Variants in CPNE8 observed in about 807,000 individuals in gnomAD.
CPNE8 encodes the protein copine 8.
CPNE8 carries 45 observed loss-of-function variants against 81.5 expected under a neutral mutation model. That is an observed-to-expected ratio of 0.55 (90% CI 0.44 to 0.71). CPNE8 has a LOEUF of 0.71. Among genes scored for constraint, CPNE8 ranks in the 30% least tolerant of loss-of-function variants. CPNE8 has a pLI of 0.00. For missense variants in CPNE8, 594 were observed against 672.1 expected, an observed-to-expected ratio of 0.88 and a Z score of 1.28; for synonymous variants, 252 against 226.3, an observed-to-expected ratio of 1.11 and a Z score of -1.02.
Position 38,741,899 on chromosome 12 carries a change from T to A in CPNE8, c.723-11541A>T, listed in dbSNP as rs1193330173. Among the ~76,000 whole-genome samples, 3 of 152,204 alleles carry A rather than the reference T, an allele frequency of 2.0e-5. No individual in the cohort carries two copies. In the East Asian group the frequency reaches 5.8e-4, roughly 29 times the overall value. On this transcript the variant is annotated intron_variant, in intron 10 of 19. Coordinates refer to ENST00000331366, the MANE Select transcript of CPNE8 (RefSeq NM_153634.3). ...GACACTTCTCAAAAGGAAACATTTA[T>A]GCAGCCAACAGACACATGAAAAAAT...
intron 6 of CPNE8, among the ~76,000 whole-genome samples, chr12:38,778,505 T>C (rs537509381): frequency 2.0e-5 from 3 of 152,204 alleles, no homozygotes; most frequent in Non-Finnish European, 4.4e-5. Context: ...TTCACTCCCA[T>C]GCCTTGATAA....
intron 3 of CPNE8, among the ~76,000 whole-genome samples, chr12:38,869,759 T>C (rs1320901958): frequency 2.0e-5 from 3 of 152,188 alleles, no homozygotes; most frequent in Non-Finnish European, 4.4e-5. Context: ...CCACCTACTC[T>C]ATATAACTCT....
chr12:38,684,045 GAGTTCATACA>G, intron 16 of CPNE8, among the ~76,000 whole-genome samples: 2 of 152,076 alleles, frequency 1.3e-5, no homozygotes, highest in South Asian at 2.1e-4. Flanking sequence ...TAACCAGCAT[GAGTTCATACA>G]AAAGAATTCT....
intron 7 of CPNE8, among the ~76,000 whole-genome samples, chr12:38,768,582 T>C (rs4768342): frequency 0.95 from 145,229 of 152,246 alleles, 69,477 homozygotes; most frequent in East Asian, 1. Flanking sequence ...TGCAGTGGCA[T>C]GATCTCGGCT....
At chr12:38,815,069 C>T (rs1233586342) in intron 6 of CPNE8, among the ~76,000 whole-genome samples, 1 of 152,066 alleles carries the variant, frequency 6.6e-6, no homozygotes, top group East Asian at 1.9e-4. Flanking sequence ...TCTATGGTGT[C>T]GTCAACCCCA....
intron 3 of CPNE8, among the ~76,000 whole-genome samples, chr12:38,849,800 A>G (rs576065088): frequency 7.7e-6 from 1 of 129,878 alleles, no homozygotes; most frequent in South Asian, 2.3e-4. Context: ...ACTTTAAACA[A>G]TAATATCAAT....
At chr12:38,778,369 A>T (rs1284705299) in intron 6 of CPNE8, among the ~76,000 whole-genome samples, 1 of 152,130 alleles carries the variant, frequency 6.6e-6, no homozygotes, top group Non-Finnish European at 1.5e-5. Context: ...ATGACTATAG[A>T]ACAAAATGTT....
chr12:38,776,647 G>A (rs1409998132), intron 6 of CPNE8, among the ~76,000 whole-genome samples: 1 of 152,032 alleles, frequency 6.6e-6, no homozygotes, highest in East Asian at 1.9e-4. Context: ...CTTTAAACAT[G>A]TCGATCCTCT....
At chr12:38,867,615 G>A (rs1310932172) in intron 3 of CPNE8, among the ~76,000 whole-genome samples, 6 of 152,064 alleles carry the variant, frequency 3.9e-5, no homozygotes, top group Admixed American at 3.9e-4. Context: ...AATTTTAAAT[G>A]TTTAAAAGTA....
chr12:38,675,841 C>T, intron 17 of CPNE8, 67 bp from the exon 18 acceptor site: 3 of 1,023,338 alleles, frequency 2.9e-6, no homozygotes, highest in Non-Finnish European at 4.6e-6. Flanking sequence ...AATTAAAGGC[C>T]AGGCATGATA....
intron 13 of CPNE8, among the ~76,000 whole-genome samples, chr12:38,715,920 G>A (rs1321397836): frequency 1.3e-5 from 2 of 151,942 alleles, no homozygotes; most frequent in Admixed American, 6.6e-5. Flanking sequence ...AAAGCTCCTA[G>A]ATCTGATAAA....
At chr12:38,795,755 C>A (rs1942445243) in intron 6 of CPNE8, among the ~76,000 whole-genome samples, 2 of 152,010 alleles carry the variant, frequency 1.3e-5, no homozygotes, top group South Asian at 4.1e-4. Context: ...TACAGAGTTT[C>A]AGTTTTGTAA....
At chr12:38,684,721 A>C (rs191135996) in intron 16 of CPNE8, among the ~76,000 whole-genome samples, 364 of 152,272 alleles carry the variant, frequency 2.4e-3, no homozygotes, top group African/African-American at 8.5e-3. Flanking sequence ...GTACTTGATA[A>C]ACTGACCAAA....
At chr12:38,706,259 C>T (rs1193486756) in intron 13 of CPNE8, among the ~76,000 whole-genome samples, 1 of 151,906 alleles carries the variant, frequency 6.6e-6, no homozygotes, top group African/African-American at 2.4e-5. Flanking sequence ...TGTGTGTGAC[C>T]AAATGAGCTT....
intron 6 of CPNE8, among the ~76,000 whole-genome samples, chr12:38,813,111 G>C (rs916592883): frequency 2.6e-5 from 4 of 152,128 alleles, no homozygotes; most frequent in African/African-American, 9.7e-5. Context: ...ATAAAGAGTT[G>C]AGATTATTTT....
intron 19 of CPNE8, among the ~76,000 whole-genome samples, chr12:38,659,079 G>T (rs1466137523): frequency 6.6e-6 from 1 of 152,028 alleles, no homozygotes; most frequent in Admixed American, 6.6e-5. Context: ...TGGGCTAAAT[G>T]CCCCAATTAA....
rs150841295 is a variant in CPNE8 at position 38,825,403 on chromosome 12, G to A, written c.407+3976C>T. Among the ~76,000 whole-genome samples the A allele has an allele frequency of 8.3e-3, 1,265 of 152,148 alleles. 12 individuals are homozygous for A. The highest frequency in any genetic ancestry group is 0.012 in the Non-Finnish European group (818 of 68,026). ...AGTAAAAAAAGTGAAGTACATGGAA[G>A]AGCAGGAGTTAGCAAGGATGAATGT... On this transcript the variant is annotated intron_variant, in intron 6 of 19. Transcript: ENST00000331366.
At chr12:38,894,699 C>CTG in intron 1 of CPNE8, among the ~76,000 whole-genome samples, 1 of 115,814 alleles carries the variant, frequency 8.6e-6, no homozygotes, top group South Asian at 2.9e-4. Flanking sequence ...CTCTCTCTCT[C>CTG]TCTCTCTCTC....
At position 38,878,506 on chromosome 12, in the gene CPNE8, C is replaced by A. The variant is rs560161611; in HGVS notation, c.99-3995G>T. ...TGAGAACAGCCTGCCTTCTCCTAAA[C>A]ACAACAGTCAGTTAGCTCATCTGAT... On this transcript the variant is annotated intron_variant, in intron 1 of 19. Coordinates refer to ENST00000331366, the MANE Select transcript of CPNE8 (RefSeq NM_153634.3). Among the ~76,000 whole-genome samples, 16 of 152,326 alleles carry A rather than the reference C, an allele frequency of 1.1e-4. No individual in the cohort carries two copies. In the South Asian group the frequency reaches 3.3e-3, roughly 32 times the overall value.
Sources: allele counts gnomAD v4.1 joint callset (sites outside exome capture counted in the v4.1 genomes callset), GRCh38; gene constraint gnomAD v4.1.1; transcripts MANE v1.5; gene names NCBI Gene and HGNC (gene_info 2026-07-23, HGNC 2026-07-21).